PLEKHM3: variants seen among roughly 807,000 people sequenced by gnomAD.
PLEKHM3 encodes pleckstrin homology domain containing M3.
Under a neutral mutation model 81.8 loss-of-function variants are expected in PLEKHM3, and 45 were observed. The observed-to-expected ratio is 0.55, with a 90% CI of 0.43 to 0.71. The LOEUF (loss-of-function observed/expected upper bound fraction) is 0.71. Ranked by LOEUF, PLEKHM3 falls within the 30% of genes least tolerant of loss-of-function variation. The probability of loss-of-function intolerance (pLI) is 0.00; values close to 1 mark genes in which losing one functional copy is unlikely to be tolerated. For synonymous variants in PLEKHM3, 352 were observed against 356.4 expected, an observed-to-expected ratio of 0.99 and a Z score of 0.14; for missense variants, 788 against 924.3, an observed-to-expected ratio of 0.85 and a Z score of 1.91.
At chr2:207,889,434 A>AACACACACACACACACACACAC (rs35082335) in intron 6 of PLEKHM3, among the ~76,000 whole-genome samples, 2 of 129,170 alleles carry the variant, frequency 1.5e-5, no homozygotes, top group Admixed American at 8.1e-5. Flanking sequence ...GGTTTTTTTC[A>AACACACACACACACACACACAC]ACACACACAC....
At chr2:207,881,405 A>G (rs537230527) in intron 6 of PLEKHM3, among the ~76,000 whole-genome samples, 12 of 152,160 alleles carry the variant, frequency 7.9e-5, no homozygotes, top group Non-Finnish European at 1.6e-4. Flanking sequence ...TAGCCTCCGC[A>G]AGGTATTGAT....
intron 7 of PLEKHM3, among the ~76,000 whole-genome samples, chr2:207,841,417 C>T (rs1342036537): frequency 4.6e-5 from 6 of 131,608 alleles, no homozygotes; most frequent in Non-Finnish European, 9.3e-5. Context: ...CCATTGCACT[C>T]CAGCCCGGGT....
chr2:208,017,061 T>G (rs977687816), intron 1 of PLEKHM3, among the ~76,000 whole-genome samples: 1 of 152,216 alleles, frequency 6.6e-6, no homozygotes, highest in Non-Finnish European at 1.5e-5. Flanking sequence ...GTGGAGTCAA[T>G]GTAGTATTCA....
intron 6 of PLEKHM3, among the ~76,000 whole-genome samples, chr2:207,901,601 C>T (rs763156210): frequency 6.6e-6 from 1 of 152,184 alleles, no homozygotes; most frequent in Non-Finnish European, 1.5e-5. Context: ...ACTCAAGATA[C>T]ACCTGCTCTC....
intron 6 of PLEKHM3, among the ~76,000 whole-genome samples, chr2:207,906,618 G>A (rs543932843): frequency 2.6e-5 from 4 of 151,760 alleles, no homozygotes; most frequent in Non-Finnish European, 4.4e-5. Context: ...GTGAAACCCC[G>A]TCTCTAGTAA....
chr2:207,858,408 A>G (rs773945366), intron 7 of PLEKHM3, among the ~76,000 whole-genome samples: 6 of 151,994 alleles, frequency 3.9e-5, no homozygotes, highest in Non-Finnish European at 7.4e-5. Flanking sequence ...TAGTCTCAAA[A>G]TTAATTGAGA....
chr2:207,913,910 CAT>C (rs1218633095), intron 5 of PLEKHM3, among the ~76,000 whole-genome samples: 3 of 148,464 alleles, frequency 2.0e-5, no homozygotes, highest in Non-Finnish European at 4.5e-5. Context: ...CACATTTGCA[CAT>C]GTGTATGTGC....
intron 7 of PLEKHM3, among the ~76,000 whole-genome samples, chr2:207,838,617 T>C (rs1024363206): frequency 1.3e-5 from 2 of 152,216 alleles, no homozygotes; most frequent in African/African-American, 2.4e-5. Flanking sequence ...TATAAAATTA[T>C]AATAGATTTG....
chr2:207,981,217 C>T (rs1691513684), intron 2 of PLEKHM3, among the ~76,000 whole-genome samples: 1 of 151,954 alleles, frequency 6.6e-6, no homozygotes, highest in Non-Finnish European at 1.5e-5. Flanking sequence ...ATCCATTCCT[C>T]TCTGGAGGAT....
intron 2 of PLEKHM3, among the ~76,000 whole-genome samples, chr2:207,998,585 T>C (rs1451865587): frequency 6.6e-6 from 1 of 152,184 alleles, no homozygotes; most frequent in Non-Finnish European, 1.5e-5. Context: ...TGCCATTTGT[T>C]ACAGCTGACT....
At chr2:208,018,617 C>G (rs953506010) in intron 1 of PLEKHM3, among the ~76,000 whole-genome samples, 2 of 152,088 alleles carry the variant, frequency 1.3e-5, no homozygotes, top group African/African-American at 4.8e-5. Context: ...ACAGCATTGG[C>G]CACATCTATC....
At chr2:207,888,528 C>T (rs185763718) in intron 6 of PLEKHM3, among the ~76,000 whole-genome samples, 1 of 152,284 alleles carries the variant, frequency 6.6e-6, no homozygotes, top group East Asian at 1.9e-4. Context: ...TCCCGAGTAG[C>T]TGGGATTACA....
At chr2:207,890,130 A>G (rs977470931) in intron 6 of PLEKHM3, among the ~76,000 whole-genome samples, 3 of 152,152 alleles carry the variant, frequency 2.0e-5, no homozygotes, top group African/African-American at 7.2e-5. Flanking sequence ...TAAAAATTGC[A>G]AATTGGCTTT....
chr2:207,874,506 G>A (rs747893160), intron 6 of PLEKHM3, among the ~76,000 whole-genome samples: 13 of 151,976 alleles, frequency 8.6e-5, no homozygotes, highest in Admixed American at 7.9e-4. Flanking sequence ...CCTGGGAGGC[G>A]GAGGTTGCGG....
intron 5 of PLEKHM3, among the ~76,000 whole-genome samples, chr2:207,914,640 C>A (rs984911557): frequency 6.6e-6 from 1 of 150,564 alleles, no homozygotes; most frequent in African/African-American, 2.5e-5. Context: ...CATGATCATG[C>A]CACTGTAGTC....
At chr2:207,996,496 A>T (rs959123894) in intron 2 of PLEKHM3, among the ~76,000 whole-genome samples, 1 of 152,246 alleles carries the variant, frequency 6.6e-6, no homozygotes, top group African/African-American at 2.4e-5. Context: ...ATTTTTGAGC[A>T]CATGTTCAAA....
intron 6 of PLEKHM3, among the ~76,000 whole-genome samples, chr2:207,888,609 T>G (rs1687956154): frequency 6.6e-6 from 1 of 152,188 alleles, no homozygotes; most frequent in Admixed American, 6.5e-5. Context: ...TTGGTCAGGT[T>G]GGTCTCGAAC....
chr2:207,949,352 A>C (rs539447355), intron 3 of PLEKHM3, among the ~76,000 whole-genome samples: 1 of 152,322 alleles, frequency 6.6e-6, no homozygotes, highest in African/African-American at 2.4e-5. Context: ...GTTTGAGACC[A>C]GCCTGAGCAA....
chr2:208,013,837 AAAC>A (rs1692784295), intron 1 of PLEKHM3, among the ~76,000 whole-genome samples: 2 of 152,212 alleles, frequency 1.3e-5, no homozygotes, highest in African/African-American at 4.8e-5. Context: ...TTAACCTTCA[AAAC>A]AACAACCGGC....
Sources: allele counts gnomAD v4.1 joint callset (sites outside exome capture counted in the v4.1 genomes callset), GRCh38; gene constraint gnomAD v4.1.1; transcripts MANE v1.5; gene names NCBI Gene and HGNC (gene_info 2026-07-23, HGNC 2026-07-21).